The following ORMDL1 variants were observed in gnomAD, a reference collection of about 807,000 sequenced individuals.
ORMDL1 encodes ORM1-like protein 1.
In ORMDL1, 10 loss-of-function variants were observed where a neutral mutation model predicts 13.0. The observed-to-expected ratio is 0.77, with a 90% CI of 0.47 to 1.30. The LOEUF (loss-of-function observed/expected upper bound fraction) is 1.30. Among genes scored for constraint, ORMDL1 ranks in the 50% most tolerant of loss-of-function variants. The probability of loss-of-function intolerance (pLI) is 0.00; values close to 1 mark genes in which losing one functional copy is unlikely to be tolerated. For missense variants in ORMDL1, 171 were observed against 186.7 expected (o/e 0.92, Z 0.49); for synonymous variants, 61 against 63.9 (o/e 0.95, Z 0.22).
downstream of ORMDL1, among the ~76,000 whole-genome samples, chr2:189,765,739 A>G (rs771286962): frequency 3.3e-5 from 5 of 151,916 alleles, no homozygotes; most frequent in Non-Finnish European, 5.9e-5. Context: ...TTTAATGGCT[A>G]GTATTTCAAG....
rs544441580 is a variant in ORMDL1 at position 189,782,692 on chromosome 2, G to A, written c.-7-90C>T. The A allele has an allele frequency of 3.2e-6, 4 of 1,243,560 alleles. No individual in the cohort carries two copies. In the African/African-American group the frequency reaches 4.5e-5, roughly 14 times the overall value. The allele number at this position is 1,243,560 out of a possible 1,614,324, so 77.0% of individuals were successfully genotyped here. On this transcript the variant is annotated intron_variant, in intron 2 of 4. Coordinates refer to ENST00000392349, the MANE Select transcript of ORMDL1 (RefSeq NM_016467.5). Reference sequence around the variant, plus strand: ...CATGACAAGGTACCTGTGTTGCGAGGATTATTTTTTCCTAGTTACTTTGAA... The same window carrying A: ...CATGACAAGGTACCTGTGTTGCGAGAATTATTTTTTCCTAGTTACTTTGAA...
rs1024218216 is a variant in ORMDL1 at position 189,775,733 on chromosome 2, G to A, written c.175-17C>T. ...GTACATCCCCTGGAAAACAAGCAAG[G>A]GGTTATAAATGATCAATATTAAATA... On this transcript the variant is annotated splice_polypyrimidine_tract_variant and intron_variant, in intron 3 of 4. Transcript: ENST00000392349. The A allele has an allele frequency of 2.5e-6, 4 of 1,608,960 alleles. No individual in the cohort carries two copies. Among genetic ancestry groups the A allele is most frequent in the Non-Finnish European group, 3.4e-6 (4 of 1,178,134 alleles).
At chr2:189,780,457 A>G (rs1227385374) in intron 3 of ORMDL1, among the ~76,000 whole-genome samples, 6 of 151,814 alleles carry the variant, frequency 4.0e-5, no homozygotes, top group Non-Finnish European at 7.4e-5. Flanking sequence ...CAGGAATAAG[A>G]TAAGTTCCAT....
downstream of ORMDL1, among the ~76,000 whole-genome samples, chr2:189,766,614 C>T (rs187396039): frequency 1.6e-3 from 250 of 152,158 alleles, 2 homozygotes; most frequent in African/African-American, 5.7e-3. Flanking sequence ...ATCCCAGCTA[C>T]GTGGGAGGCT....
downstream of ORMDL1, among the ~76,000 whole-genome samples, chr2:189,768,015 TG>T (rs1383363105): frequency 6.6e-6 from 1 of 152,260 alleles, no homozygotes; most frequent in African/African-American, 2.4e-5. Context: ...TGCATTCATT[TG>T]TAGCTATATG....
chr2:189,766,781 T>G (rs1056931725), downstream of ORMDL1, among the ~76,000 whole-genome samples: 4 of 152,090 alleles, frequency 2.6e-5, no homozygotes, highest in Non-Finnish European at 5.9e-5. Context: ...CCTTCTGCCT[T>G]CCAGCCCTTG....
intron 3 of ORMDL1, chr2:189,778,074 A>G (rs559924059): frequency 1.5e-5 from 6 of 413,334 alleles, no homozygotes; most frequent in South Asian, 8.8e-5. Flanking sequence ...TCCATGGTCA[A>G]CCAACTTGAA....
the ORMDL1 span, among the ~76,000 whole-genome samples, chr2:189,764,624 G>A: frequency 6.6e-6 from 1 of 152,108 alleles, no homozygotes; most frequent in Non-Finnish European, 1.5e-5. Flanking sequence ...TGCTCTCTGA[G>A]GCCTGTCTGT....
intron 4 of ORMDL1, among the ~76,000 whole-genome samples, chr2:189,772,277 CAA>C (rs1484713856): frequency 6.7e-6 from 1 of 150,008 alleles, no homozygotes; most frequent in Admixed American, 6.6e-5. Flanking sequence ...ATCTTATTCT[CAA>C]AAAGTTTTGT....
chr2:189,776,015 A>G (rs929922988), intron 3 of ORMDL1, among the ~76,000 whole-genome samples: 1 of 152,136 alleles, frequency 6.6e-6, no homozygotes, highest in Non-Finnish European at 1.5e-5. Flanking sequence ...TTACATTCAG[A>G]TTTTCTTACA....
At chr2:189,766,834 A>AT (rs2047491132), downstream of ORMDL1, among the ~76,000 whole-genome samples, 1 of 152,224 alleles carries the variant, frequency 6.6e-6, no homozygotes, top group Non-Finnish European at 1.5e-5. Context: ...CTAGGAGTTC[A>AT]TAAAAGTGGG....
At chr2:189,778,310 G>A (rs528104040) in intron 3 of ORMDL1, 40 of 436,268 alleles carry the variant, frequency 9.2e-5, no homozygotes, top group South Asian at 6.1e-4. Flanking sequence ...CAGGAGAATC[G>A]CTTGAACCCA....
At chr2:189,767,308 T>G (rs376576906), downstream of ORMDL1, among the ~76,000 whole-genome samples, 6 of 152,208 alleles carry the variant, frequency 3.9e-5, no homozygotes, top group African/African-American at 9.7e-5. Context: ...TGATGAGAAT[T>G]CTAGGAGAGA....
At chr2:189,768,881 A>C (rs1435644580), downstream of ORMDL1, among the ~76,000 whole-genome samples, 87 of 152,370 alleles carry the variant, frequency 5.7e-4, no homozygotes, top group Non-Finnish European at 1.5e-5. Context: ...TGAAGGCTCT[A>C]GTAATATTTA....
At chr2:189,781,535 T>C (rs1436823188) in intron 3 of ORMDL1, among the ~76,000 whole-genome samples, 1 of 152,128 alleles carries the variant, frequency 6.6e-6, no homozygotes, top group South Asian at 2.1e-4. Flanking sequence ...TAAGGCACCA[T>C]AAGATCCTGA....
At chr2:189,767,805 C>T (rs2047507599), downstream of ORMDL1, among the ~76,000 whole-genome samples, 1 of 152,168 alleles carries the variant, frequency 6.6e-6, no homozygotes, top group Non-Finnish European at 1.5e-5. Flanking sequence ...AAATAAATTA[C>T]AGTGCTACAC....
rs1221874625 is a variant in ORMDL1, at chr2:189,782,535, C to T, written c.61G>A (p.Gly21Ser). The T allele has an allele frequency of 6.2e-7, 1 of 1,614,082 alleles. No homozygotes were observed. The highest frequency in any genetic ancestry group is 1.3e-5 in the African/African-American group (1 of 75,010). ...NPNTRVMNSR[G>S]MWLTYALGVG... ...CCCAATGCATATGTCAGCCACATAC[C>T]CCGGCTGTTCATGACACGGGTATTT... The change falls in exon 3 of 5, where the codon GGT becomes AGT. Residue 21 changes from glycine to serine, a missense_variant. Physicochemically the swap from Gly to Ser is moderately conservative, Grantham distance 56 (BLOSUM62 0). Transcript: ENST00000392349.
At chr2:189,779,410 CTCTT>C (rs2106153685) in intron 3 of ORMDL1, among the ~76,000 whole-genome samples, 1 of 152,228 alleles carries the variant, frequency 6.6e-6, no homozygotes, top group East Asian at 1.9e-4. Context: ...TCACGCCAGT[CTCTT>C]AAAAACAAAA....
At chr2:189,779,097 G>A (rs938816412) in intron 3 of ORMDL1, among the ~76,000 whole-genome samples, 4 of 152,108 alleles carry the variant, frequency 2.6e-5, no homozygotes, top group African/African-American at 9.7e-5. Context: ...AAGATCACTT[G>A]AGACCAGGAG....
Sources: allele counts gnomAD v4.1 joint callset (sites outside exome capture counted in the v4.1 genomes callset), GRCh38; gene constraint gnomAD v4.1.1; transcripts MANE v1.5; gene names NCBI Gene and HGNC (gene_info 2026-07-23, HGNC 2026-07-21).